ARHGAP26: variants seen among roughly 807,000 people sequenced by gnomAD.
ARHGAP26 encodes rho GTPase-activating protein 26.
Under a neutral mutation model 104.8 loss-of-function variants are expected in ARHGAP26, and 38 were observed. The ratio of observed to expected loss-of-function variants is 0.36; its 90% CI spans 0.28 to 0.48. The LOEUF (loss-of-function observed/expected upper bound fraction) is 0.48. ARHGAP26 is among the 20% of genes least tolerant of loss of function. The probability of loss-of-function intolerance (pLI) is 0.99; values close to 1 mark genes in which losing one functional copy is unlikely to be tolerated. For missense variants in ARHGAP26, 704 were observed against 947.9 expected, an observed-to-expected ratio of 0.74 and a Z score of 3.38; for synonymous variants, 341 against 340.0, an observed-to-expected ratio of 1.00 and a Z score of -0.03.
intron 1 of ARHGAP26, among the ~76,000 whole-genome samples, chr5:142,827,199 T>G (rs1275203503): frequency 1.3e-5 from 2 of 152,208 alleles, no homozygotes; most frequent in East Asian, 1.9e-4. Context: ...AGTCAGTGAC[T>G]GTTAAAGCCA....
intron 11 of ARHGAP26, among the ~76,000 whole-genome samples, chr5:143,004,791 A>G (rs780842501): frequency 1.4e-4 from 21 of 152,222 alleles, no homozygotes; most frequent in Non-Finnish European, 2.5e-4. Context: ...GCAAGTGAGC[A>G]GAGCCAGAGG....
intron 17 of ARHGAP26, among the ~76,000 whole-genome samples, chr5:143,074,384 C>G (rs1788695279): frequency 6.6e-6 from 1 of 152,182 alleles, no homozygotes; most frequent in Non-Finnish European, 1.5e-5. Flanking sequence ...TGTCTGGTAT[C>G]CTGGCCTTTT....
chr5:143,044,964 G>A (rs1716749943), intron 14 of ARHGAP26, among the ~76,000 whole-genome samples: 1 of 152,216 alleles, frequency 6.6e-6, no homozygotes, highest in South Asian at 2.1e-4. Flanking sequence ...AGAAGGGGCA[G>A]AGAGATTTCA....
At chr5:143,015,481 C>G (rs1354390104) in intron 12 of ARHGAP26, among the ~76,000 whole-genome samples, 1 of 152,190 alleles carries the variant, frequency 6.6e-6, no homozygotes, top group Admixed American at 6.5e-5. Context: ...CCTTTCTGAA[C>G]ATTGAGATTT....
chr5:142,990,959 G>A (rs528629995), intron 11 of ARHGAP26, among the ~76,000 whole-genome samples: 16 of 152,312 alleles, frequency 1.1e-4, no homozygotes, highest in Middle Eastern at 3.4e-3. Context: ...CTCAAACTCC[G>A]TGTTGGGAGA....
At chr5:143,138,337 G>T (rs1242059209) in intron 19 of ARHGAP26, among the ~76,000 whole-genome samples, 1 of 152,192 alleles carries the variant, frequency 6.6e-6, no homozygotes, top group Non-Finnish European at 1.5e-5. Context: ...AATGGGAGCA[G>T]CCTCTGAGAT....
At chr5:142,945,811 C>T (rs536359313) in intron 11 of ARHGAP26, among the ~76,000 whole-genome samples, 1 of 152,210 alleles carries the variant, frequency 6.6e-6, no homozygotes, top group South Asian at 2.1e-4. Context: ...AACACTGATA[C>T]AATATTATTA....
At position 143,184,284 on chromosome 5, in the gene ARHGAP26, A is replaced by G. The variant is rs146510328; in HGVS notation, c.1989-22914A>G. Among the ~76,000 whole-genome samples the G allele has an allele frequency of 5.1e-3, 771 of 152,292 alleles. 9 individuals carry two copies. Among genetic ancestry groups the G allele is most frequent in the African/African-American group, 0.018 (734 of 41,544 alleles). On this transcript the variant is annotated intron_variant, in intron 20 of 22. Coordinates refer to ENST00000645722, the MANE Select transcript of ARHGAP26 (RefSeq NM_001135608.3). The stretch of plus-strand genomic sequence containing the variant: ...TTTTGGACTAGCTGAAATACTCATT[A>G]CAAATATTCAGGCCTCCCCCTAACC...
chr5:142,913,950 G>T (rs1483800565), intron 10 of ARHGAP26, among the ~76,000 whole-genome samples: 1 of 152,130 alleles, frequency 6.6e-6, no homozygotes, highest in Non-Finnish European at 1.5e-5. Context: ...TTGGCAACAG[G>T]TTAATTTTTT....
At chr5:142,835,846 T>C (rs1769451348) in intron 1 of ARHGAP26, among the ~76,000 whole-genome samples, 1 of 152,252 alleles carries the variant, frequency 6.6e-6, no homozygotes, top group Admixed American at 6.5e-5. Context: ...CTTACAGTGA[T>C]CTCAATTAGA....
intron 22 of ARHGAP26, among the ~76,000 whole-genome samples, chr5:143,215,656 A>G (rs1237049331): frequency 6.6e-6 from 1 of 152,218 alleles, no homozygotes; most frequent in Non-Finnish European, 1.5e-5. Context: ...GCCCAAGGCA[A>G]CCACTCTTCT....
chr5:142,913,128 G>A (rs944735108), intron 9 of ARHGAP26, 71 bp from the exon 10 acceptor site: 1 of 1,258,886 alleles, frequency 7.9e-7, no homozygotes, highest in South Asian at 1.2e-5. Context: ...CTGTTTACAT[G>A]TCATGTATGT....
At chr5:143,071,385 C>T (rs1398287980) in intron 17 of ARHGAP26, among the ~76,000 whole-genome samples, 1 of 152,164 alleles carries the variant, frequency 6.6e-6, no homozygotes. Flanking sequence ...AAAGGATAAT[C>T]TCTTCAATAA....
chr5:143,074,677 T>C (rs1788739078), intron 17 of ARHGAP26, among the ~76,000 whole-genome samples: 1 of 152,242 alleles, frequency 6.6e-6, no homozygotes. Flanking sequence ...GAGAACCACA[T>C]GGCCTGTAAA....
At chr5:143,000,893 G>A (rs1777100753) in intron 11 of ARHGAP26, among the ~76,000 whole-genome samples, 1 of 152,156 alleles carries the variant, frequency 6.6e-6, no homozygotes, top group African/African-American at 2.4e-5. Flanking sequence ...GGGAGGCAAG[G>A]GGAGGGAGAG....
Position 143,222,596 on chromosome 5 carries a change from G to A in ARHGAP26, c.*150G>A, listed in dbSNP as rs1393937798. On this transcript the variant is annotated 3_prime_UTR_variant, in exon 23 of 23. Coordinates refer to ENST00000645722, the MANE Select transcript of ARHGAP26 (RefSeq NM_001135608.3). The stretch of plus-strand genomic sequence containing the variant: ...AACATGAATGTTTCTGTGAGCTCTG[G>A]TGTCACTCATCTCCATGATCATCTC... 2 of 526,750 alleles carry A rather than the reference G, an allele frequency of 3.8e-6. No individual in the cohort carries two copies. The highest frequency in any genetic ancestry group is 3.4e-5 in the Admixed American group (1 of 29,220). The allele number at this position is 526,750 out of a possible 1,614,324, so 32.6% of individuals were successfully genotyped here. A position where few individuals can be genotyped will look rare whatever the true frequency, so the allele number is the denominator to read the frequency against.
intron 1 of ARHGAP26, among the ~76,000 whole-genome samples, chr5:142,784,943 T>C (rs1262704968): frequency 1.3e-5 from 2 of 150,124 alleles, no homozygotes; most frequent in Non-Finnish European, 3.0e-5. Context: ...TTTTTTTTTT[T>C]TGAGATGGAG....
At chr5:143,115,596 G>A (rs1428941240) in intron 17 of ARHGAP26, among the ~76,000 whole-genome samples, 2 of 151,914 alleles carry the variant, frequency 1.3e-5, no homozygotes, top group Admixed American at 6.6e-5. Context: ...GCTTTAAATT[G>A]GCAGTTGCTG....
At chr5:142,810,313 A>G (rs191081942) in intron 1 of ARHGAP26, among the ~76,000 whole-genome samples, 3 of 152,338 alleles carry the variant, frequency 2.0e-5, no homozygotes, top group Admixed American at 1.3e-4. Context: ...GCTACCATGT[A>G]TACAATAATA....
Sources: gnomAD v4.1 joint callset for allele counts (sites outside exome capture counted in the v4.1 genomes callset) on GRCh38, gnomAD v4.1.1 for gene constraint, MANE v1.5 for transcripts, NCBI Gene and HGNC (gene_info 2026-07-23, HGNC 2026-07-21) for gene names.